WDR91: variants seen among roughly 807,000 people sequenced by gnomAD.
WDR91 encodes the protein WD repeat domain 91.
WDR91 carries 52 observed loss-of-function variants against 88.4 expected under a neutral mutation model. That is an observed-to-expected ratio of 0.59 (90% confidence interval 0.47 to 0.74). The LOEUF (loss-of-function observed/expected upper bound fraction) is 0.74. Among genes scored for constraint, WDR91 ranks in the 30% least tolerant of loss-of-function variants. The pLI is 0.00. For synonymous variants in WDR91, 362 were observed against 389.5 expected (o/e 0.93, Z 0.83); for missense variants, 824 against 954.5 (o/e 0.86, Z 1.80).
At chr7:135,206,844 C>T (rs928317628) in intron 4 of WDR91, 2 of 216,926 alleles carry the variant, frequency 9.2e-6, no homozygotes, top group Admixed American at 1.0e-4. Flanking sequence ...TATAAGGTGG[C>T]ATGGATGCAT....
intron 6 of WDR91, among the ~76,000 whole-genome samples, chr7:135,200,585 CT>C (rs1193402112): frequency 6.6e-6 from 1 of 152,234 alleles, no homozygotes; most frequent in East Asian, 1.9e-4. Context: ...AATGGATGGA[CT>C]GATGGACAGA....
At chr7:135,205,810 C>A in intron 5 of WDR91, 118 bp downstream of exon 5, 2 of 1,464,886 alleles carry the variant, frequency 1.4e-6, no homozygotes, top group Non-Finnish European at 1.9e-6. Flanking sequence ...CCAGGAGGCT[C>A]TTCCGCAATT....
rs1378685971 is a variant in WDR91 at position 135,189,338 on chromosome 7, G to A, written c.1768+6C>T. 1 of 1,611,646 alleles carries A rather than the reference G, an allele frequency of 6.2e-7. No homozygotes were observed. The highest frequency in any genetic ancestry group is 1.3e-5 in the African/African-American group (1 of 74,884). On this transcript the variant is annotated splice_donor_region_variant and intron_variant, in intron 12 of 14. Coordinates refer to ENST00000354475, the MANE Select transcript of WDR91 (RefSeq NM_014149.4). ...ATCAAGGATTGCTATGAGCACACTT[G>A]CATACCAAACAGCCGGATGACGCCA...
In WDR91 at chr7:135,193,565, G is replaced by C. The variant is rs1562948556; in HGVS notation, c.1490+13C>G. On this transcript the variant is annotated intron_variant, in intron 10 of 14. Coordinates refer to ENST00000354475, the MANE Select transcript of WDR91 (RefSeq NM_014149.4). The stretch of plus-strand genomic sequence containing the variant: ...CCTGCGGCCTTGATGGTGGGGGGTA[G>C]GTTCCAGTTCACCTGGGCATGTTGT... 1 of 1,613,996 alleles carries C rather than the reference G, an allele frequency of 6.2e-7. No homozygotes were observed. Among genetic ancestry groups the C allele is most frequent in the Non-Finnish European group, 8.5e-7 (1 of 1,179,956 alleles).
intron 7 of WDR91, 81 bp downstream of exon 7, chr7:135,197,912 A>G: frequency 6.6e-7 from 1 of 1,515,744 alleles, no homozygotes; most frequent in Non-Finnish European, 9.0e-7. Context: ...AGAACTCAGA[A>G]GAGAGAGAAG....
intron 6 of WDR91, among the ~76,000 whole-genome samples, chr7:135,200,802 T>C (rs1349203564): frequency 1.3e-5 from 2 of 152,220 alleles, no homozygotes; most frequent in East Asian, 1.9e-4. Flanking sequence ...CATAAGTTGA[T>C]ACCCATTAAT....
chr7:135,196,179 C>A lies in WDR91; in HGVS notation c.1209G>T (p.Glu403Asp), dbSNP rs2288240. ...TGATGGATGAGTGGTGTTCCCCGTA[C>A]TCCTCCTGTCCCAGCACAATAAAGG... ...EQPFIVLGQE[E>D]YGEHHSSIMH... The change falls in exon 8 of 15, where the codon GAG (glutamate) becomes GAT (aspartate). Residue 403 changes from glutamate (E) to aspartate (D), a missense_variant. Transcript: ENST00000354475. This position sits in a 1 kb window ranked among gnomAD's most constrained non-coding sequence, Gnocchi z 4.2. The A allele has an allele frequency of 2.5e-6, 4 of 1,591,356 alleles. No individual in the cohort carries two copies. The highest frequency in any genetic ancestry group is 3.4e-6 in the Non-Finnish European group (4 of 1,168,034).
At chr7:135,200,686 C>A (rs1831537799) in intron 6 of WDR91, among the ~76,000 whole-genome samples, 1 of 152,174 alleles carries the variant, frequency 6.6e-6, no homozygotes, top group Non-Finnish European at 1.5e-5. Context: ...ACAGAATATC[C>A]CAATAGTCTA....
In WDR91 at chr7:135,186,155, G is replaced by A. The variant is rs1185957733; in HGVS notation, c.2240C>T (p.Ala747Val). The change falls in exon 15 of 15, where the codon GCC becomes GTC. Residue 747 changes from alanine (A) to valine (V), a missense_variant. Ala to Val is a moderately conservative substitution (Grantham distance 64). Transcript: ENST00000354475. ...IKLTTLLAHK[A>V] ...GGTGGCCCTTGGGGCAAGTCATCAG[G>A]CTTTATGGGCCAGGAGGGTGGTCAG... 1 of 1,594,454 alleles carries A rather than the reference G, an allele frequency of 6.3e-7. No homozygotes were observed.
At position 135,188,533 on chromosome 7, in the gene WDR91, T is replaced by C; in HGVS notation, c.1781A>G (p.His594Arg). The change falls in exon 13 of 15, where the codon CAT becomes CGT. Residue 594 changes from histidine to arginine, a missense_variant. By Grantham distance (29) the His-to-Arg change is conservative (BLOSUM62 0). Transcript: ENST00000354475. The part of the protein sequence containing the change: ...GVIRLFDMQQ[H>R]ECAMSWRAHY... ...GGCCCTCCAGCTCATCGCGCACTCATGCTGCTGCATGTCTGAGGCAATGAG... is the reference window on the plus strand; with the variant it reads ...GGCCCTCCAGCTCATCGCGCACTCACGCTGCTGCATGTCTGAGGCAATGAG... The C allele has an allele frequency of 1.2e-6, 2 of 1,613,466 alleles. No individual in the cohort carries two copies. Among genetic ancestry groups the C allele is most frequent in the Non-Finnish European group, 1.7e-6 (2 of 1,179,934 alleles).
chr7:135,211,344 C>A, intron 1 of WDR91, 36 bp downstream of exon 1: 1 of 1,589,328 alleles, frequency 6.3e-7, no homozygotes, highest in African/African-American at 1.4e-5. Context: ...CTCCCTCGGG[C>A]CGCCTCTGCC....
intron 5 of WDR91, among the ~76,000 whole-genome samples, chr7:135,205,461 A>G (rs1056169081): frequency 2.6e-5 from 4 of 152,204 alleles, no homozygotes; most frequent in African/African-American, 4.8e-5. Context: ...CCTTACTCAT[A>G]AAGCTCTGAA....
chr7:135,209,088 A>G, intron 2 of WDR91, 90 bp from the exon 3 acceptor site: 1 of 1,103,978 alleles, frequency 9.1e-7, no homozygotes, highest in South Asian at 1.7e-5. Context: ...ACAACCTTTG[A>G]CTATCAGCCT....
chr7:135,206,818 A>C (rs760930711), intron 4 of WDR91, among the ~76,000 whole-genome samples: 3 of 151,884 alleles, frequency 2.0e-5, no homozygotes, highest in Non-Finnish European at 4.4e-5. Context: ...AAACAGACAC[A>C]TGAAAACAGG....
intron 14 of WDR91, among the ~76,000 whole-genome samples, chr7:135,186,615 A>G (rs1327413390): frequency 6.6e-6 from 1 of 152,242 alleles, no homozygotes; most frequent in Non-Finnish European, 1.5e-5. Context: ...TCACTACAGC[A>G]TCACTTCTCA....
intron 8 of WDR91, 147 bp downstream of exon 8, chr7:135,195,997 T>A: frequency 1.5e-6 from 1 of 681,602 alleles, no homozygotes; most frequent in Non-Finnish European, 2.2e-6. Flanking sequence ...CACTGGCAGC[T>A]CCAACCGACT....
chr7:135,192,195 G>A (rs1213799910), intron 11 of WDR91, among the ~76,000 whole-genome samples: 1 of 147,682 alleles, frequency 6.8e-6, no homozygotes, highest in African/African-American at 2.5e-5. Flanking sequence ...TCAGCTCACT[G>A]CAGCCTCCAC....
intron 8 of WDR91, 64 bp from the exon 9 acceptor site, chr7:135,195,148 G>A (rs1831315528): frequency 1.3e-6 from 2 of 1,531,988 alleles, no homozygotes; most frequent in East Asian, 2.3e-5. Flanking sequence ...TTCTGCTAAT[G>A]CCAAGATGAT....
rs116710745 is a variant in WDR91 at position 135,190,373 on chromosome 7, C to T, written c.1660-921G>A. ...ATTCATAACCACAAACTAGCCCTGA[C>T]GTGGGAGGAACCTGGCAAAAATTAA... is the stretch of plus-strand genomic sequence containing the variant. On this transcript the variant is annotated intron_variant, in intron 11 of 14. Transcript: ENST00000354475. Among the ~76,000 whole-genome samples, 314 of 152,226 alleles carry T rather than the reference C, an allele frequency of 2.1e-3. 1 individual carries two copies. The highest frequency in any genetic ancestry group is 6.5e-3 in the African/African-American group (271 of 41,526).
Sources: gnomAD v4.1 joint callset for allele counts (sites outside exome capture counted in the v4.1 genomes callset) on GRCh38, gnomAD v4.1.1 for gene constraint, Gnocchi (gnomAD v3.1) non-coding constraint, MANE v1.5 for transcripts, NCBI Gene and HGNC (gene_info 2026-07-23, HGNC 2026-07-21) for gene names.